The following MROH9 variants were observed in gnomAD, a reference collection of about 807,000 sequenced individuals.
MROH9 encodes maestro heat-like repeat-containing protein family member 9.
MROH9 carries 92 observed loss-of-function variants against 98.2 expected under a neutral mutation model. The ratio of observed to expected loss-of-function variants is 0.94; its 90% CI spans 0.79 to 1.11. The LOEUF is 1.11. Among genes scored for constraint, MROH9 ranks in the 50% most tolerant of loss-of-function variants. The pLI is 0.00. For synonymous variants in MROH9, 397 were observed against 368.9 expected, an observed-to-expected ratio of 1.08 and a Z score of -0.87; for missense variants, 1,057 against 1,014.8, an observed-to-expected ratio of 1.04 and a Z score of -0.57.
At chr1:170,967,932 C>T (rs1335692807) in intron 7 of MROH9, among the ~76,000 whole-genome samples, 1 of 152,108 alleles carries the variant, frequency 6.6e-6, no homozygotes, top group Non-Finnish European at 1.5e-5. Flanking sequence ...TATATATCTC[C>T]TTCTCCTCCA....
intron 2 of MROH9, 57 bp from the exon 3 acceptor site, chr1:170,947,469 TA>T: frequency 6.8e-7 from 1 of 1,470,984 alleles, no homozygotes; most frequent in South Asian, 1.2e-5. Flanking sequence ...AAGGCCCCAC[TA>T]AGATGATAGG....
intron 17 of MROH9, among the ~76,000 whole-genome samples, chr1:171,021,887 A>G (rs985477712): frequency 6.7e-6 from 1 of 149,440 alleles, no homozygotes. Flanking sequence ...ATCTACAAGA[A>G]ACTTAAATTT....
At chr1:171,033,936 A>G (rs1653013143) in intron 20 of MROH9, among the ~76,000 whole-genome samples, 1 of 152,150 alleles carries the variant, frequency 6.6e-6, no homozygotes, top group Non-Finnish European at 1.5e-5. Flanking sequence ...TTTTTCAAGA[A>G]ATATTTTATA....
At chr1:171,039,176 G>A (rs1465352550) in intron 20 of MROH9, among the ~76,000 whole-genome samples, 2 of 152,114 alleles carry the variant, frequency 1.3e-5, no homozygotes, top group African/African-American at 4.8e-5. Flanking sequence ...AAGTTCATTT[G>A]TGACTTTCAA....
At chr1:171,039,786 A>G (rs1653236823) in intron 20 of MROH9, among the ~76,000 whole-genome samples, 1 of 152,164 alleles carries the variant, frequency 6.6e-6, no homozygotes, top group Admixed American at 6.5e-5. Context: ...AATCAAACAG[A>G]AAGAAAAGCA....
intron 14 of MROH9, among the ~76,000 whole-genome samples, chr1:170,997,562 A>C (rs1651627568): frequency 6.6e-6 from 1 of 152,170 alleles, no homozygotes; most frequent in Non-Finnish European, 1.5e-5. Flanking sequence ...GGTTTGGAAG[A>C]CCAACTGGGA....
intron 20 of MROH9, among the ~76,000 whole-genome samples, chr1:171,051,327 T>A (rs1356478955): frequency 6.6e-6 from 1 of 151,688 alleles, no homozygotes; most frequent in Non-Finnish European, 1.5e-5. Flanking sequence ...AGCAAAGACA[T>A]AGAATAAGCC....
intron 20 of MROH9, among the ~76,000 whole-genome samples, chr1:171,060,537 T>C (rs1653979904): frequency 6.6e-6 from 1 of 152,200 alleles, no homozygotes; most frequent in African/African-American, 2.4e-5. Context: ...GATATCAAGA[T>C]GCATTACACA....
intron 3 of MROH9, among the ~76,000 whole-genome samples, chr1:170,954,493 T>C (rs981478470): frequency 4.6e-5 from 7 of 152,112 alleles, no homozygotes; most frequent in Admixed American, 1.3e-4. Flanking sequence ...TATCCTGCTT[T>C]TATTTTCTTT....
chr1:170,988,883 T>C (rs1651247761), intron 10 of MROH9, among the ~76,000 whole-genome samples: 4 of 152,154 alleles, frequency 2.6e-5, no homozygotes. Flanking sequence ...TAGAGGTATT[T>C]GCATTTAAAA....
chr1:171,055,320 A>G (rs542932727), intron 20 of MROH9, among the ~76,000 whole-genome samples: 1 of 152,216 alleles, frequency 6.6e-6, no homozygotes, highest in Non-Finnish European at 1.5e-5. Flanking sequence ...GAGGATGCAA[A>G]GGCATAAGAA....
At chr1:171,061,073 T>C (rs1653996391) in intron 20 of MROH9, among the ~76,000 whole-genome samples, 1 of 152,178 alleles carries the variant, frequency 6.6e-6, no homozygotes, top group Non-Finnish European at 1.5e-5. Context: ...CTTATCTGAA[T>C]AAGCATTTCA....
In MROH9 at chr1:170,995,472, T is replaced by C. The variant is rs1651532683; in HGVS notation, c.1278T>C (p.Thr426=). The change falls in exon 13 of 22, where the codon ACT becomes ACC. Residue 426 remains threonine, a synonymous_variant. Coordinates refer to ENST00000367759, the MANE Select transcript of MROH9 (RefSeq NM_001163629.2). The stretch of plus-strand genomic sequence containing the variant: ...AGTATTTCCCCCAGCTCTTGACGAC[T>C]CTTATGTTCCAAGTCTTCTACAACA... ...VAQYFPQLLT[T]LMFQVFYNSE... 3.7e-6 allele frequency: 6 copies of C among 1,613,422 alleles called. No individual in the cohort carries two copies. The highest frequency in any genetic ancestry group is 2.2e-5 in the East Asian group (1 of 44,862).
chr1:171,014,398 A>G, intron 16 of MROH9, 144 bp downstream of exon 16: 1 of 726,154 alleles, frequency 1.4e-6, no homozygotes, highest in Middle Eastern at 4.0e-4. Context: ...TGTTTTATTA[A>G]CAAGGAAACT....
At chr1:170,947,315 G>A (rs114446732) in intron 2 of MROH9, among the ~76,000 whole-genome samples, 2,186 of 151,926 alleles carry the variant, frequency 0.014, 27 homozygotes, top group Middle Eastern at 0.058. Context: ...TTCTTTTAAT[G>A]TGCTGCCATA....
intron 12 of MROH9, among the ~76,000 whole-genome samples, chr1:170,994,699 T>C (rs1304381431): frequency 1.3e-5 from 2 of 152,182 alleles, no homozygotes; most frequent in Non-Finnish European, 2.9e-5. Flanking sequence ...TTATTCTTTC[T>C]AACTATTGTT....
intron 20 of MROH9, among the ~76,000 whole-genome samples, chr1:171,043,568 G>A (rs1208708905): frequency 1.3e-5 from 2 of 151,714 alleles, no homozygotes; most frequent in African/African-American, 4.8e-5. Context: ...AGATTGCTTT[G>A]TGTAGTATGG....
At chr1:171,040,140 G>A (rs1461979257) in intron 20 of MROH9, among the ~76,000 whole-genome samples, 1 of 152,022 alleles carries the variant, frequency 6.6e-6, no homozygotes, top group East Asian at 1.9e-4. Flanking sequence ...ACTTATATGT[G>A]AAATCTTTTT....
At position 171,024,464 on chromosome 1, in the gene MROH9, A is replaced by T. The variant is rs1652639062; in HGVS notation, c.1978A>T (p.Thr660Ser). The T allele has an allele frequency of 6.4e-7, 1 of 1,550,822 alleles. No homozygotes were observed. Among genetic ancestry groups the T allele is most frequent in the African/African-American group, 1.4e-5 (1 of 72,992 alleles). The change falls in exon 18 of 22, where the codon ACA (threonine) becomes TCA (serine). Residue 660 changes from threonine (T) to serine (S), a missense_variant. Physicochemically the swap from Thr to Ser is moderately conservative, Grantham distance 58 (BLOSUM62 1). Coordinates refer to ENST00000367759, the MANE Select transcript of MROH9 (RefSeq NM_001163629.2). ...GQLVRDMRQY[T>S]WMVNDVVLEG... Reference sequence around the variant, plus strand: ...ATTAGTTAGGGATATGAGACAGTACACATGGATGGTGAATGATGTGGTTCT... The same window carrying T: ...ATTAGTTAGGGATATGAGACAGTACTCATGGATGGTGAATGATGTGGTTCT...
Sources: allele counts gnomAD v4.1 joint callset (sites outside exome capture counted in the v4.1 genomes callset), GRCh38; gene constraint gnomAD v4.1.1; transcripts MANE v1.5; gene names NCBI Gene and HGNC (gene_info 2026-07-23, HGNC 2026-07-21).